Variants in DMD observed in about 807,000 individuals in gnomAD.
DMD encodes mutant dystrophin.
In DMD, 63 loss-of-function variants were observed where a neutral mutation model predicts 330.1. That is an observed-to-expected ratio of 0.19 (90% CI 0.16 to 0.24). The LOEUF (loss-of-function observed/expected upper bound fraction) is 0.24. Among genes scored for constraint, DMD ranks in the 10% least tolerant of loss-of-function variants. DMD has a pLI of 1.00. For missense variants in DMD, 3,344 were observed against 2,684.1 expected (o/e 1.25, Z -5.43); for synonymous variants, 1,223 against 959.8 (o/e 1.27, Z -5.07).
chrX:32,128,145 T>C (rs904668279), intron 44 of DMD, among the ~76,000 whole-genome samples: 7 of 112,335 alleles, frequency 6.2e-5, no homozygotes, highest in Non-Finnish European at 1.1e-4. Flanking sequence ...GTAAAACAAG[T>C]AAAATTATAT....
At chrX:31,147,062 A>G (rs1239045552) in intron 75 of DMD, among the ~76,000 whole-genome samples, 1 of 112,010 alleles carries the variant, frequency 8.9e-6, no homozygotes, top group African/African-American at 3.2e-5. Context: ...AGAAAAAACC[A>G]TTTTGGTAGG....
intron 52 of DMD, among the ~76,000 whole-genome samples, chrX:31,693,289 C>T (rs976983398): frequency 9.0e-6 from 1 of 111,413 alleles, no homozygotes; most frequent in Non-Finnish European, 1.9e-5. Flanking sequence ...AGAATAAAAG[C>T]CATAAATTAC....
chrX:33,155,158 T>C (rs2048444991), intron 1 of DMD, among the ~76,000 whole-genome samples: 1 of 111,712 alleles, frequency 9.0e-6, no homozygotes, highest in Non-Finnish European at 1.9e-5. Flanking sequence ...AAAGTAATAT[T>C]CCTCTCTTCT....
At chrX:32,159,362 A>G (rs1191801855) in intron 44 of DMD, among the ~76,000 whole-genome samples, 1 of 112,029 alleles carries the variant, frequency 8.9e-6, no homozygotes, top group Non-Finnish European at 1.9e-5. Flanking sequence ...AAAAGACTCT[A>G]GCTCCTTTTT....
intron 9 of DMD, among the ~76,000 whole-genome samples, chrX:32,649,719 TTC>T (rs1438035830): frequency 1.8e-5 from 2 of 110,415 alleles, no homozygotes; most frequent in Non-Finnish European, 3.8e-5. Flanking sequence ...CTCGTAGAAT[TTC>T]TCTGACTAGA....
At chrX:32,098,753 A>G (rs1490453843) in intron 44 of DMD, among the ~76,000 whole-genome samples, 1 of 112,149 alleles carries the variant, frequency 8.9e-6, no homozygotes, top group African/African-American at 3.2e-5. Context: ...TTCAATCAGA[A>G]TGCTCATAAA....
intron 60 of DMD, among the ~76,000 whole-genome samples, chrX:31,384,680 G>A (rs901289600): frequency 1.8e-5 from 2 of 111,396 alleles, no homozygotes; most frequent in South Asian, 3.8e-4. Flanking sequence ...AACCATGGCC[G>A]GTTGCCCTTT....
chrX:32,565,583 TA>T, intron 16 of DMD, 118 bp downstream of exon 16: 1 of 733,924 alleles, frequency 1.4e-6, no homozygotes, highest in Non-Finnish European at 2.0e-6. Flanking sequence ...TTTATTTAAC[TA>T]AACACAGGGC....
In DMD at chrX:32,362,846, T is replaced by G; in HGVS notation, c.5267A>C (p.Gln1756Pro). The G allele has an allele frequency of 3.3e-6, 4 of 1,211,443 alleles. No individual in the cohort carries two copies. The highest frequency in any genetic ancestry group is 4.5e-6 in the Non-Finnish European group (4 of 895,445). Residue 1756 changes from glutamine to proline, a missense_variant, in exon 37 of 79, where the codon CAA becomes CCA. Transcript: ENST00000357033. Reference sequence around the variant, plus strand: ...AAATCGATGGTTGAGCTCTGAGATTTGGGGCTCTACTAATTTCCTGCAGTG... The same window carrying G: ...AAATCGATGGTTGAGCTCTGAGATTGGGGGCTCTACTAATTTCCTGCAGTG... ...GDHCRKLVEP[Q>P]ISELNHRFAA...
At position 31,655,638 on chromosome X, in the gene DMD, T is replaced by C. The variant is rs746813828; in HGVS notation, c.8027+2352A>G. Among the ~76,000 whole-genome samples, 15 of 110,998 alleles carry C rather than the reference T, an allele frequency of 1.4e-4. No individual in the cohort carries two copies. The South Asian group carries it at 5.7e-3, about 42-fold the overall frequency. ...TGATTAGGACATGAAGGCTCTGCCT[T>C]CATGAACGGATTAGCATCATTATTG... On this transcript the variant is annotated intron_variant, in intron 54 of 78. Coordinates refer to ENST00000357033, the MANE Select transcript of DMD (RefSeq NM_004006.3).
intron 19 of DMD, among the ~76,000 whole-genome samples, chrX:32,493,619 C>G (rs1345897676): frequency 9.0e-6 from 1 of 111,334 alleles, no homozygotes; most frequent in Non-Finnish European, 1.9e-5. Context: ...TATAAAATGA[C>G]CACATTTGGT....
chrX:31,177,890 G>A, intron 71 of DMD, 42 bp downstream of exon 71: 1 of 1,093,091 alleles, frequency 9.1e-7, no homozygotes, highest in Non-Finnish European at 1.3e-6. Flanking sequence ...GCGAGCGAAT[G>A]TGTTGGTGGT....
intron 55 of DMD, among the ~76,000 whole-genome samples, chrX:31,593,940 C>T (rs1286241980): frequency 9.0e-6 from 1 of 111,181 alleles, no homozygotes; most frequent in Non-Finnish European, 1.9e-5. Context: ...AGATAAAACA[C>T]ACTAAATAAT....
chrX:32,898,439 C>T (rs989245623), intron 2 of DMD, among the ~76,000 whole-genome samples: 1 of 111,942 alleles, frequency 8.9e-6, no homozygotes, highest in Non-Finnish European at 1.9e-5. Flanking sequence ...GAGCCAGTGG[C>T]GTTAAACAGC....
At chrX:32,488,335 G>A (rs111956180) in intron 20 of DMD, among the ~76,000 whole-genome samples, 1 of 110,951 alleles carries the variant, frequency 9.0e-6, no homozygotes, top group Non-Finnish European at 1.9e-5. Context: ...TTTTTCACAG[G>A]AAAGGGTTCA....
intron 42 of DMD, among the ~76,000 whole-genome samples, chrX:32,300,171 G>C (rs1056304193): frequency 8.9e-6 from 1 of 111,805 alleles, no homozygotes; most frequent in Non-Finnish European, 1.9e-5. Context: ...AGTTGAACTT[G>C]CTTATGAAAA....
At position 32,694,591 on chromosome X, in the gene DMD, A is replaced by G. The variant is rs184444475; in HGVS notation, c.960+3279T>C. 1.2e-4 allele frequency among the ~76,000 whole-genome samples: 13 copies of G among 112,463 alleles called. No individual in the cohort carries two copies. The East Asian group carries it at 3.4e-3, about 29-fold the overall frequency. On this transcript the variant is annotated intron_variant, in intron 9 of 78. Coordinates refer to ENST00000357033, the MANE Select transcript of DMD (RefSeq NM_004006.3). Reference sequence around the variant, plus strand: ...ATTCTGCTACCAGATATGCTATGCTAGAGGATCATGAAACAGAAAAGCTCA... The same window carrying G: ...ATTCTGCTACCAGATATGCTATGCTGGAGGATCATGAAACAGAAAAGCTCA...
chrX:32,600,260 T>A (rs1056823234), intron 12 of DMD, among the ~76,000 whole-genome samples: 4 of 111,933 alleles, frequency 3.6e-5, no homozygotes, highest in Admixed American at 1.9e-4. Context: ...AGAACACATG[T>A]AAAATAATAC....
At chrX:32,890,743 G>A (rs1461844548) in intron 2 of DMD, among the ~76,000 whole-genome samples, 2 of 111,887 alleles carry the variant, frequency 1.8e-5, no homozygotes. Flanking sequence ...ATAGCCACTA[G>A]TTATATGTGG....
Sources: gnomAD v4.1 joint callset for allele counts (sites outside exome capture counted in the v4.1 genomes callset) on GRCh38, gnomAD v4.1.1 for gene constraint, MANE v1.5 for transcripts, NCBI Gene and HGNC (gene_info 2026-07-23, HGNC 2026-07-21) for gene names.